Variants in LARGE1 observed in about 807,000 individuals in gnomAD.
LARGE1 encodes the protein LARGE xylosyl- and glucuronyltransferase 1, also known as xylosyl- and glucuronyltransferase LARGE1.
A neutral mutation model predicts 87.6 loss-of-function variants in LARGE1; 43 were observed. The ratio of observed to expected loss-of-function variants is 0.49; its 90% CI spans 0.38 to 0.63. The LOEUF (loss-of-function observed/expected upper bound fraction) is 0.63, where lower values mean the gene tolerates loss of function less well. LARGE1 is among the 30% of genes least tolerant of loss of function. The pLI is 0.00. For missense variants in LARGE1, 802 were observed against 1,000.2 expected (o/e 0.80, Z 2.67); for synonymous variants, 434 against 394.6 (o/e 1.10, Z -1.18).
chr22:33,382,946 T>C lies in LARGE1; in HGVS notation c.1006-902A>G, dbSNP rs2065204974. Among the ~76,000 whole-genome samples the C allele has an allele frequency of 2.0e-5, 3 of 152,292 alleles. No homozygotes were observed. In the South Asian group the frequency reaches 6.2e-4, roughly 32 times the overall value. On this transcript the variant is annotated intron_variant, in intron 8 of 14. Transcript: ENST00000397394. The stretch of plus-strand genomic sequence containing the variant: ...AATCAGTTTCTGGCTGCTTGGGAAA[T>C]ACTGAATAATAATACTTTAAAAAAT...
chr22:33,778,584 G>T (rs2085320666), intron 1 of LARGE1, among the ~76,000 whole-genome samples: 1 of 152,054 alleles, frequency 6.6e-6, no homozygotes, highest in Non-Finnish European at 1.5e-5. Context: ...ATGGCCTTTT[G>T]GGTCTGGTTC....
intron 7 of LARGE1, among the ~76,000 whole-genome samples, chr22:33,411,632 T>G (rs2066307885): frequency 6.6e-6 from 1 of 152,246 alleles, no homozygotes; most frequent in African/African-American, 2.4e-5. Flanking sequence ...TAGGAGCTAT[T>G]GTGTACCAAT....
At chr22:33,336,509 T>C (rs2146553494) in intron 10 of LARGE1, among the ~76,000 whole-genome samples, 1 of 151,980 alleles carries the variant, frequency 6.6e-6, no homozygotes, top group South Asian at 2.1e-4. Context: ...CCCACAAAAG[T>C]TTTTATTCTC....
chr22:33,825,857 A>G (rs2062766928), intron 1 of LARGE1, among the ~76,000 whole-genome samples: 1 of 152,162 alleles, frequency 6.6e-6, no homozygotes, highest in Non-Finnish European at 1.5e-5. Flanking sequence ...GCTGCAATTA[A>G]TAAAACAAAA....
intron 6 of LARGE1, among the ~76,000 whole-genome samples, chr22:33,456,879 C>T (rs2068151740): frequency 6.6e-6 from 1 of 152,140 alleles, no homozygotes; most frequent in South Asian, 2.1e-4. Context: ...GGACTGGGAA[C>T]AGGAGATATG....
chr22:33,522,949 G>A (rs956725905), intron 6 of LARGE1, among the ~76,000 whole-genome samples: 6 of 152,030 alleles, frequency 3.9e-5, no homozygotes, highest in Non-Finnish European at 8.8e-5. Context: ...TAGAGGCTGC[G>A]GTGAGCCAAG....
chr22:33,200,642 C>T (rs1924335420), intron 11 of LARGE1, among the ~76,000 whole-genome samples: 1 of 152,192 alleles, frequency 6.6e-6, no homozygotes, highest in African/African-American at 2.4e-5. Context: ...ATCCATACAA[C>T]CTGGATATAT....
In LARGE1 at chr22:33,533,356, A is replaced by G. The variant is rs142652798; in HGVS notation, c.787+31492T>C. On this transcript the variant is annotated intron_variant, in intron 6 of 14. Coordinates refer to ENST00000397394, the MANE Select transcript of LARGE1 (RefSeq NM_133642.5). ...ACCGAGTCCTCACTTGAGACTATTC[A>G]TATCAGCTGGGTTCCATTCGAGCAC... is the stretch of plus-strand genomic sequence containing the variant. 5.6e-3 allele frequency among the ~76,000 whole-genome samples: 852 copies of G among 152,304 alleles called. 8 individuals carry two copies. Among genetic ancestry groups the G allele is most frequent in the African/African-American group, 0.019 (809 of 41,562 alleles).
At chr22:33,871,277 G>T (rs897727227) in intron 1 of LARGE1, among the ~76,000 whole-genome samples, 3 of 152,184 alleles carry the variant, frequency 2.0e-5, no homozygotes, top group Admixed American at 1.3e-4. Flanking sequence ...GGGGTGTCTA[G>T]AGTACAAAGC....
intron 10 of LARGE1, among the ~76,000 whole-genome samples, chr22:33,329,911 A>T (rs1937530876): frequency 6.6e-6 from 1 of 152,124 alleles, no homozygotes; most frequent in Non-Finnish European, 1.5e-5. Flanking sequence ...CTAAATAGCA[A>T]ACTGAATGGA....
At chr22:33,534,539 G>A (rs5999000) in intron 6 of LARGE1, among the ~76,000 whole-genome samples, 1 of 152,106 alleles carries the variant, frequency 6.6e-6, no homozygotes, top group Non-Finnish European at 1.5e-5. Context: ...CATGGGAAAT[G>A]TAAGAGCAAA....
the LARGE1 span, among the ~76,000 whole-genome samples, chr22:33,113,001 A>G: frequency 6.6e-6 from 1 of 152,192 alleles, no homozygotes; most frequent in African/African-American, 2.4e-5. Context: ...GTCATGCTCT[A>G]TTAAATGCAT....
At chr22:33,908,480 A>G (rs2065523004) in intron 1 of LARGE1, among the ~76,000 whole-genome samples, 2 of 150,386 alleles carry the variant, frequency 1.3e-5, no homozygotes, top group Non-Finnish European at 1.5e-5. Flanking sequence ...TGACAGGTCT[A>G]GGGGGAAAAA....
chr22:33,304,360 G>A lies in LARGE1; in HGVS notation c.1599C>T (p.Ile533=), dbSNP rs12627793. The A allele has an allele frequency of 2.4e-4, 387 of 1,614,264 alleles. 5 individuals carry two copies. In the East Asian group the frequency reaches 2.9e-3, roughly 12 times the overall value. The change falls in exon 12 of 15, where the codon ATC becomes ATT. Residue 533 remains isoleucine, a synonymous_variant. Coordinates refer to ENST00000397394, the MANE Select transcript of LARGE1 (RefSeq NM_133642.5). ...GGTAGAACTGGCCCTCCTTGTACAC[G>A]ATGTGGTAGCCCACGTTGTGGCGGC... ...LMSRHNVGYH[I]VYKEGQFYPV...
chr22:33,368,645 C>T (rs2064686811), intron 9 of LARGE1, among the ~76,000 whole-genome samples: 1 of 151,274 alleles, frequency 6.6e-6, no homozygotes, highest in Non-Finnish European at 1.5e-5. Context: ...TGTGTGTGTG[C>T]CTGTTTGTGT....
At chr22:33,593,672 T>C (rs2078905014) in intron 5 of LARGE1, among the ~76,000 whole-genome samples, 1 of 152,244 alleles carries the variant, frequency 6.6e-6, no homozygotes, top group Non-Finnish European at 1.5e-5. Context: ...GTTCAAAATA[T>C]ATACCAGATT....
intron 11 of LARGE1, among the ~76,000 whole-genome samples, chr22:33,195,102 G>A (rs1923996280): frequency 6.6e-6 from 1 of 152,178 alleles, no homozygotes; most frequent in South Asian, 2.1e-4. Context: ...ATATGTGCCT[G>A]TATCAAGTTA....
chr22:33,315,243 C>T (rs5754521), intron 11 of LARGE1, among the ~76,000 whole-genome samples: 121,288 of 152,120 alleles, frequency 0.8, 48,880 homozygotes, highest in African/African-American at 0.93. Context: ...CAAAGGTCCT[C>T]ACTTAACTGC....
At chr22:33,595,476 G>A (rs1452780037) in intron 5 of LARGE1, among the ~76,000 whole-genome samples, 4 of 152,150 alleles carry the variant, frequency 2.6e-5, no homozygotes, top group Non-Finnish European at 5.9e-5. Flanking sequence ...TCTATGGGAT[G>A]GAGACACAAT....
Sources: allele counts gnomAD v4.1 joint callset (sites outside exome capture counted in the v4.1 genomes callset), GRCh38; gene constraint gnomAD v4.1.1; transcripts MANE v1.5; gene names NCBI Gene and HGNC (gene_info 2026-07-23, HGNC 2026-07-21).